Variants in ERI3 observed in about 807,000 individuals in gnomAD.
The protein encoded by ERI3 is ERI1 exoribonuclease family member 3.
A neutral mutation model predicts 44.4 loss-of-function variants in ERI3; 18 were observed. The ratio of observed to expected loss-of-function variants is 0.41; its 90% CI spans 0.28 to 0.60. ERI3 has a LOEUF of 0.60. ERI3 is among the 20% of genes least tolerant of loss of function. The pLI, the probability that ERI3 is intolerant of heterozygous loss-of-function variation, is 0.36. For synonymous variants in ERI3, 183 were observed against 164.8 expected, an observed-to-expected ratio of 1.11 and a Z score of -0.84; for missense variants, 294 against 435.5, an observed-to-expected ratio of 0.68 and a Z score of 2.89.
chr1:44,329,886 G>C (rs1646394100), intron 3 of ERI3, among the ~76,000 whole-genome samples: 1 of 152,152 alleles, frequency 6.6e-6, no homozygotes, highest in African/African-American at 2.4e-5. Flanking sequence ...TAGGCCACTA[G>C]TCTCCAAAAG....
chr1:44,294,653 G>C (rs536482575), intron 6 of ERI3, among the ~76,000 whole-genome samples: 63 of 152,364 alleles, frequency 4.1e-4, no homozygotes, highest in African/African-American at 1.5e-3. Flanking sequence ...CTCTTTCCTA[G>C]ATGGAATGGC....
At chr1:44,258,573 C>G (rs1426034514) in intron 7 of ERI3, among the ~76,000 whole-genome samples, 1 of 152,156 alleles carries the variant, frequency 6.6e-6, no homozygotes, top group South Asian at 2.1e-4. Context: ...GTCAAGCAGA[C>G]CAAGCCACTG....
At chr1:44,286,291 T>C (rs1645392346) in intron 6 of ERI3, among the ~76,000 whole-genome samples, 1 of 152,126 alleles carries the variant, frequency 6.6e-6, no homozygotes, top group South Asian at 2.1e-4. Context: ...GAAGGAAGCA[T>C]GAGTTTGGGA....
At chr1:44,348,200 C>A (rs1646822297) in intron 2 of ERI3, among the ~76,000 whole-genome samples, 1 of 152,126 alleles carries the variant, frequency 6.6e-6, no homozygotes, top group East Asian at 1.9e-4. Context: ...CCATTCTGTC[C>A]TCCCTAGTTA....
At chr1:44,313,661 G>C (rs1273346331) in intron 4 of ERI3, among the ~76,000 whole-genome samples, 1 of 152,082 alleles carries the variant, frequency 6.6e-6, no homozygotes, top group Non-Finnish European at 1.5e-5. Flanking sequence ...TGCTCATACA[G>C]GAGAGGCACA....
Position 44,247,973 on chromosome 1 carries a change from G to T in ERI3, c.897C>A (p.Ser299Arg). 6.2e-7 allele frequency: 1 copy of T among 1,612,790 alleles called. No individual in the cohort carries two copies. Among genetic ancestry groups the T allele is most frequent in the Non-Finnish European group, 8.5e-7 (1 of 1,179,468 alleles). ...TGTGGGGCCGGCCTATGTGTTGCAG[G>T]CTGAGGCCCTTGTTCATGTCTAGAA... ...NGLLDMNKGL[S>R]LQHIGRPHSG... Residue 299 changes from serine to arginine, a missense_variant, in exon 8 of 9, where the codon AGC (serine) becomes AGA (arginine). Ser to Arg is a moderately radical substitution (Grantham distance 110, BLOSUM62 -1). Around this residue, in one of 2 missense-constraint regions of ERI3, gnomAD observed 187 missense variants for 338.6 expected, o/e 0.55. Transcript: ENST00000372257.
intron 7 of ERI3, among the ~76,000 whole-genome samples, chr1:44,257,968 GGA>G (rs999612183): frequency 3.3e-5 from 5 of 152,166 alleles, no homozygotes; most frequent in African/African-American, 9.7e-5. Context: ...AGGCCTAGAT[GGA>G]GAGAGGAGGG....
intron 6 of ERI3, among the ~76,000 whole-genome samples, chr1:44,297,969 G>C (rs1645645713): frequency 6.6e-6 from 1 of 152,210 alleles, no homozygotes; most frequent in African/African-American, 2.4e-5. Context: ...AAGGCCACAA[G>C]CCCTAGAGAA....
chr1:44,344,565 C>G (rs1646747843), intron 2 of ERI3, among the ~76,000 whole-genome samples: 1 of 152,324 alleles, frequency 6.6e-6, no homozygotes. Flanking sequence ...CCCACTTGCC[C>G]TTGCACCCTC....
At chr1:44,307,885 C>T (rs1645873598) in intron 6 of ERI3, among the ~76,000 whole-genome samples, 1 of 152,206 alleles carries the variant, frequency 6.6e-6, no homozygotes, top group Admixed American at 6.5e-5. Context: ...TGTACCTTTA[C>T]TCCCTCAGCT....
At chr1:44,341,033 CCCATAAAAAAGTGTAAAGACTTCTGAA>C (rs1327407584) in intron 2 of ERI3, among the ~76,000 whole-genome samples, 1 of 152,162 alleles carries the variant, frequency 6.6e-6, no homozygotes, top group Non-Finnish European at 1.5e-5. Context: ...CTTCTCTAAC[CCCATAAAAAAGTGTAAAGACTTCTGAA>C]AGTCCTAATG....
intron 3 of ERI3, among the ~76,000 whole-genome samples, chr1:44,328,345 T>G (rs922563869): frequency 2.0e-5 from 3 of 151,674 alleles, no homozygotes; most frequent in Admixed American, 2.0e-4. Flanking sequence ...GAGGGTCAGC[T>G]GTTGTCAAAC....
chr1:44,268,268 T>C (rs1329995241), intron 7 of ERI3, among the ~76,000 whole-genome samples: 1 of 98,416 alleles, frequency 1.0e-5, no homozygotes, highest in Non-Finnish European at 1.9e-5. Context: ...TCCCAACCCA[T>C]AGGGTGACTG....
chr1:44,315,872 G>A (rs1025571888), intron 4 of ERI3, among the ~76,000 whole-genome samples: 7 of 152,228 alleles, frequency 4.6e-5, no homozygotes, highest in Non-Finnish European at 8.8e-5. Flanking sequence ...TTAGTTCTGG[G>A]CTGGGCATGG....
rs537822879 is a variant in ERI3 at position 44,223,413 on chromosome 1, G to A, written c.932-1773C>T. 2.6e-5 allele frequency among the ~76,000 whole-genome samples: 4 copies of A among 152,132 alleles called. No homozygotes were observed. The East Asian group carries it at 5.8e-4, about 22-fold the overall frequency. ...GGGGAAGGGTTAGGATGGGGTCCAT[G>A]GGCTGTGGTAGTGCCAACAGAGAGA... On this transcript the variant is annotated intron_variant, in intron 8 of 8. Transcript: ENST00000372257.
chr1:44,341,418 T>C (rs539773560), intron 2 of ERI3, among the ~76,000 whole-genome samples: 100 of 152,378 alleles, frequency 6.6e-4, no homozygotes, highest in Non-Finnish European at 1.0e-3. Context: ...CCCCAGATTC[T>C]GGGCCTACAA....
intron 7 of ERI3, among the ~76,000 whole-genome samples, chr1:44,269,421 C>A (rs1275415249): frequency 6.6e-6 from 1 of 152,218 alleles, no homozygotes; most frequent in African/African-American, 2.4e-5. Flanking sequence ...TGCCTAGAGT[C>A]AGACCACAAA....
intron 7 of ERI3, among the ~76,000 whole-genome samples, chr1:44,264,364 C>T (rs985991282): frequency 4.6e-5 from 7 of 152,166 alleles, no homozygotes; most frequent in Admixed American, 2.6e-4. Context: ...CCCCTCTTGG[C>T]GTGATACATC....
chr1:44,309,535 G>T (rs1237933427), intron 5 of ERI3, among the ~76,000 whole-genome samples: 1 of 151,772 alleles, frequency 6.6e-6, no homozygotes, highest in African/African-American at 2.4e-5. Flanking sequence ...ATGAAGCATT[G>T]CCTTTTACAG....
Sources: allele counts gnomAD v4.1 joint callset (sites outside exome capture counted in the v4.1 genomes callset), GRCh38; gene constraint gnomAD v4.1.1; regional missense constraint gnomAD v4.1.1; transcripts MANE v1.5; gene names NCBI Gene and HGNC (gene_info 2026-07-23, HGNC 2026-07-21).